The following AGBL1 variants were observed in gnomAD, a reference collection of about 807,000 sequenced individuals.
The protein encoded by AGBL1 is cytosolic carboxypeptidase 4.
A neutral mutation model predicts 118.9 loss-of-function variants in AGBL1; 130 were observed. The ratio of observed to expected loss-of-function variants is 1.09; its 90% CI spans 0.95 to 1.26. AGBL1 has a LOEUF of 1.26. Ranked by LOEUF, AGBL1 falls within the 50% of genes most tolerant of loss-of-function variation. AGBL1 has a pLI of 0.00. For missense variants in AGBL1, 1,584 were observed against 1,298.1 expected, an observed-to-expected ratio of 1.22 and a Z score of -3.38; for synonymous variants, 555 against 478.9, an observed-to-expected ratio of 1.16 and a Z score of -2.08.
intron 9 of AGBL1, among the ~76,000 whole-genome samples, chr15:86,260,220 G>T (rs549652648): frequency 2.0e-5 from 3 of 152,198 alleles, no homozygotes; most frequent in Non-Finnish European, 2.9e-5. Flanking sequence ...TGCCAGAGGC[G>T]TGAACAAGAA....
At chr15:86,609,701 A>C (rs1281639186) in intron 21 of AGBL1, among the ~76,000 whole-genome samples, 1 of 152,164 alleles carries the variant, frequency 6.6e-6, no homozygotes, top group South Asian at 2.1e-4. Flanking sequence ...TCATGTGAGA[A>C]TTGTTACAAT....
At chr15:86,778,198 C>T (rs913250039) in intron 22 of AGBL1, among the ~76,000 whole-genome samples, 13 of 152,060 alleles carry the variant, frequency 8.5e-5, no homozygotes, top group South Asian at 6.2e-4. Flanking sequence ...ACAGAGATCA[C>T]GAGCTTCACA....
At chr15:86,305,756 T>C (rs980185324) in intron 17 of AGBL1, among the ~76,000 whole-genome samples, 6 of 152,100 alleles carry the variant, frequency 3.9e-5, no homozygotes, top group African/African-American at 1.4e-4. Context: ...CATGAATACA[T>C]ATGTACAGAG....
At chr15:87,011,500 G>A (rs964670564) in intron 24 of AGBL1, among the ~76,000 whole-genome samples, 1 of 152,160 alleles carries the variant, frequency 6.6e-6, no homozygotes, top group African/African-American at 2.4e-5. Flanking sequence ...TAAATTACTT[G>A]GTAATTCTGT....
rs74025431 is a variant in AGBL1 at position 86,691,069 on chromosome 15, A to G, written c.3158+16633A>G. Among the ~76,000 whole-genome samples the G allele has an allele frequency of 3.1e-3, 475 of 152,062 alleles. 2 individuals carry two copies. The highest frequency in any genetic ancestry group is 0.011 in the African/African-American group (456 of 41,502). ...AGGTTGCATTTTTTTTTCCTAGACA[A>G]TTTTCTCTATTAAGAAGTGGAGACA... On this transcript the variant is annotated intron_variant, in intron 22 of 22. Coordinates refer to ENST00000614907, the MANE Select transcript of AGBL1 (RefSeq NM_001386094.1).
intron 22 of AGBL1, among the ~76,000 whole-genome samples, chr15:86,885,548 T>G (rs2079958029): frequency 6.6e-6 from 1 of 152,216 alleles, no homozygotes; most frequent in Admixed American, 6.5e-5. Context: ...TCATTCTTAT[T>G]TCACTTACAC....
intron 3 of AGBL1, 76 bp from the exon 4 acceptor site, chr15:86,154,354 C>T (rs2077158997): frequency 1.8e-5 from 26 of 1,485,314 alleles, no homozygotes; most frequent in Non-Finnish European, 2.4e-5. Context: ...CCATCTTCCC[C>T]TTCCTCCACT....
intron 22 of AGBL1, among the ~76,000 whole-genome samples, chr15:86,791,861 G>A (rs1823740): frequency 0.38 from 57,481 of 151,212 alleles, 12,606 homozygotes; most frequent in Non-Finnish European, 0.52. Flanking sequence ...CTTAGCCTCT[G>A]GAGTAGCTGG....
chr15:86,902,663 T>C (rs534392077), intron 22 of AGBL1, among the ~76,000 whole-genome samples: 2 of 152,286 alleles, frequency 1.3e-5, no homozygotes, highest in South Asian at 2.1e-4. Context: ...TGGAAGGATA[T>C]CTTTGCTAGT....
intron 16 of AGBL1, among the ~76,000 whole-genome samples, chr15:86,289,910 T>G (rs577451959): frequency 9.3e-4 from 141 of 152,336 alleles, no homozygotes; most frequent in Non-Finnish European, 1.6e-3. Flanking sequence ...TGGAGGGCCA[T>G]TATTCTGCCT....
downstream of AGBL1, among the ~76,000 whole-genome samples, chr15:86,919,125 C>T (rs1219616111): frequency 6.6e-6 from 1 of 152,210 alleles, no homozygotes; most frequent in Non-Finnish European, 1.5e-5. Context: ...ACTCAGTTTA[C>T]TTTATTAGGA....
intron 17 of AGBL1, among the ~76,000 whole-genome samples, chr15:86,357,832 C>T (rs2080744714): frequency 6.6e-6 from 1 of 152,130 alleles, no homozygotes; most frequent in African/African-American, 2.4e-5. Flanking sequence ...TTCCCCAATT[C>T]ATGCACAGGC....
At chr15:86,562,761 TCC>T (rs1240800577) in intron 21 of AGBL1, among the ~76,000 whole-genome samples, 1 of 152,188 alleles carries the variant, frequency 6.6e-6, no homozygotes, top group African/African-American at 2.4e-5. Context: ...TGGCTGTGAA[TCC>T]GTCTGGTCCT....
chr15:86,864,111 C>G (rs1267948199), intron 22 of AGBL1, among the ~76,000 whole-genome samples: 1 of 152,136 alleles, frequency 6.6e-6, no homozygotes. Flanking sequence ...GAAGCCAAAA[C>G]ACCTCTGAAA....
rs1005974517 is a variant in AGBL1, at chr15:86,613,185, C to A, written c.2994+58648C>A. Among the ~76,000 whole-genome samples, 1 of 152,184 alleles carries A rather than the reference C, an allele frequency of 6.6e-6. No homozygotes were observed. The highest frequency in any genetic ancestry group is 1.5e-5 in the Non-Finnish European group (1 of 68,028). ...AATTGATTAAGACTTGTCTCAGATACTTTTTGGTTTACAGGTACCTTAAAG... is the reference window on the plus strand; with the variant it reads ...AATTGATTAAGACTTGTCTCAGATAATTTTTGGTTTACAGGTACCTTAAAG... On this transcript the variant is annotated intron_variant, in intron 21 of 22. Transcript: ENST00000614907. The surrounding 1 kb of genome is among the most constrained non-coding windows in gnomAD (Gnocchi z 4.2).
At chr15:86,609,844 C>T (rs954285692) in intron 21 of AGBL1, among the ~76,000 whole-genome samples, 2 of 152,154 alleles carry the variant, frequency 1.3e-5, no homozygotes, top group African/African-American at 4.8e-5. Flanking sequence ...AGATTTCCCT[C>T]GACTACTTAT....
rs77408689 is a variant in AGBL1, at chr15:86,277,401, C to T, written c.2076-2238C>T. Among the ~76,000 whole-genome samples, 1,518 of 152,070 alleles carry T rather than the reference C, an allele frequency of 1.0e-2. 27 individuals are homozygous for T. Among genetic ancestry groups the T allele is most frequent in the African/African-American group, 0.035 (1,443 of 41,458 alleles). On this transcript the variant is annotated intron_variant, in intron 15 of 22. Transcript: ENST00000614907. ...AGAACTACCATTTGAATTCCTTACA[C>T]TTCCCTTAAATCTTGAGCCCATGGA...
At chr15:86,932,148 A>G (rs2141637264) in intron 23 of AGBL1, among the ~76,000 whole-genome samples, 1 of 152,350 alleles carries the variant, frequency 6.6e-6, no homozygotes, top group South Asian at 2.1e-4. Context: ...ACTCAAACCC[A>G]GGTTTCCCAA....
At chr15:86,383,249 A>AC (rs776371435) in intron 17 of AGBL1, among the ~76,000 whole-genome samples, 1 of 32,226 alleles carries the variant, frequency 3.1e-5, no homozygotes, top group African/African-American at 7.5e-5. Flanking sequence ...TCAGTATGTA[A>AC]AAAAAAAAAA....
Sources: gnomAD v4.1 joint callset for allele counts (sites outside exome capture counted in the v4.1 genomes callset) on GRCh38, gnomAD v4.1.1 for gene constraint, Gnocchi (gnomAD v3.1) non-coding constraint, MANE v1.5 for transcripts, NCBI Gene and HGNC (gene_info 2026-07-23, HGNC 2026-07-21) for gene names.